The following PDE1C variants were observed in gnomAD, a reference collection of about 807,000 sequenced individuals.
PDE1C encodes the protein phosphodiesterase 1C, also known as dual specificity calcium/calmodulin-dependent 3',5'-cyclic nucleotide phosphodiesterase 1C.
In PDE1C, 62 loss-of-function variants were observed where a neutral mutation model predicts 93.1. The ratio of observed to expected loss-of-function variants is 0.67; its 90% CI spans 0.54 to 0.82. PDE1C has a LOEUF of 0.82. Among genes scored for constraint, PDE1C ranks in the 40% least tolerant of loss-of-function variants. The pLI is 0.00. For synonymous variants in PDE1C, 325 were observed against 310.1 expected (o/e 1.05, Z -0.50); for missense variants, 742 against 884.6 (o/e 0.84, Z 2.04).
chr7:32,360,164 C>T (rs888057877), intron 1 of PDE1C, among the ~76,000 whole-genome samples: 47 of 152,250 alleles, frequency 3.1e-4, no homozygotes, highest in African/African-American at 1.1e-3. Context: ...CTCCTGATCA[C>T]GGGACATGGG....
chr7:31,955,324 A>C (rs1807976989), intron 2 of PDE1C, among the ~76,000 whole-genome samples: 2 of 152,200 alleles, frequency 1.3e-5, no homozygotes, highest in African/African-American at 4.8e-5. Context: ...CCACTGAAGC[A>C]GGATGCCCAT....
chr7:31,966,373 T>C (rs1036937017), intron 2 of PDE1C, among the ~76,000 whole-genome samples: 1 of 152,166 alleles, frequency 6.6e-6, no homozygotes, highest in Non-Finnish European at 1.5e-5. Context: ...GGCCATTACA[T>C]AATGGTAAAG....
At chr7:31,698,645 A>T in the PDE1C span, among the ~76,000 whole-genome samples, 1 of 152,242 alleles carries the variant, frequency 6.6e-6, no homozygotes, top group Non-Finnish European at 1.5e-5. Flanking sequence ...TACTTGTCAC[A>T]TCCTGGGCTC....
intron 1 of PDE1C, among the ~76,000 whole-genome samples, chr7:32,310,734 C>T (rs1164791358): frequency 1.3e-5 from 2 of 151,936 alleles, no homozygotes; most frequent in Non-Finnish European, 2.9e-5. Flanking sequence ...ACCAGAATCT[C>T]TGGGACGCAT....
At chr7:32,405,277 A>G (rs215739) in intron 1 of PDE1C, among the ~76,000 whole-genome samples, 127,083 of 149,228 alleles carry the variant, frequency 0.85, 56,340 homozygotes, top group East Asian at 0.99. Context: ...TTGAGATGGA[A>G]TTTCACTCTT....
chr7:32,167,547 A>G (rs1464105986), intron 3 of PDE1C, among the ~76,000 whole-genome samples: 3 of 152,130 alleles, frequency 2.0e-5, no homozygotes, highest in Non-Finnish European at 4.4e-5. Flanking sequence ...TTTCCCTAGT[A>G]GGGGACAAAA....
rs1794141633 is a variant in PDE1C at position 31,751,581 on chromosome 7, T to G, written c.*1803A>C. 6.6e-6 allele frequency: 1 copy of G among 152,224 alleles called. No homozygotes were observed. The highest frequency in any genetic ancestry group is 2.4e-5 in the African/African-American group (1 of 41,456). 9.4% of individuals were successfully genotyped at this position (152,224 alleles called of 1,614,324 possible). A position where few individuals can be genotyped will look rare whatever the true frequency, so the allele number is the denominator to read the frequency against. ...GTATAAACAGATAGGAATTACCTGT[T>G]GAGTTAACCTAATCCAGGTGGAACA... On this transcript the variant is annotated 3_prime_UTR_variant, in exon 18 of 18. Transcript: ENST00000396191.
At chr7:32,021,871 G>GA (rs573679466) in intron 2 of PDE1C, among the ~76,000 whole-genome samples, 1 of 151,486 alleles carries the variant, frequency 6.6e-6, no homozygotes, top group Non-Finnish European at 1.5e-5. Context: ...CCTCTCTCAA[G>GA]AAAAAAAATA....
chr7:31,986,463 G>A (rs566454119), intron 2 of PDE1C, among the ~76,000 whole-genome samples: 72 of 152,226 alleles, frequency 4.7e-4, no homozygotes, highest in Middle Eastern at 3.4e-3. Flanking sequence ...AATTTTGGTG[G>A]GGACATTTTT....
intron 2 of PDE1C, among the ~76,000 whole-genome samples, chr7:31,888,352 A>C (rs189027122): frequency 6.6e-6 from 1 of 152,016 alleles, no homozygotes; most frequent in African/African-American, 2.4e-5. Flanking sequence ...CAAAGACAGT[A>C]GGCAATAGCA....
the PDE1C span, among the ~76,000 whole-genome samples, chr7:31,635,346 T>C: frequency 6.6e-6 from 1 of 152,204 alleles, no homozygotes; most frequent in East Asian, 1.9e-4. Flanking sequence ...CACATTTTGC[T>C]TGGTGAATCT....
intron 1 of PDE1C, among the ~76,000 whole-genome samples, chr7:32,061,974 C>G (rs1006659724): frequency 1.3e-5 from 2 of 152,150 alleles, no homozygotes; most frequent in Non-Finnish European, 2.9e-5. Flanking sequence ...TTCCTGCTTA[C>G]TTTGCTGGGC....
chr7:31,775,654 G>A lies in PDE1C; in HGVS notation c.1960+10C>T, dbSNP rs1436339327. ...GTCACTAAGATAATGGTGCAATGCT[G>A]TTTACCCACCTGGCAACGTAAGGCG... On this transcript the variant is annotated intron_variant, in intron 17 of 17. Transcript: ENST00000396191. The A allele has an allele frequency of 6.2e-7, 1 of 1,611,184 alleles. No individual in the cohort carries two copies. The highest frequency in any genetic ancestry group is 8.5e-7 in the Non-Finnish European group (1 of 1,178,420).
chr7:31,668,990 G>A, the PDE1C span, among the ~76,000 whole-genome samples: 4 of 149,066 alleles, frequency 2.7e-5, no homozygotes, highest in African/African-American at 2.5e-5. Context: ...GAAGTTAGTT[G>A]AGGAAGGAGA....
At chr7:31,745,771 C>T in the PDE1C span, among the ~76,000 whole-genome samples, 870 of 152,338 alleles carry the variant, frequency 5.7e-3, 4 homozygotes, top group African/African-American at 0.02. Context: ...GATGTCACTT[C>T]ATGAGAAACT....
intron 2 of PDE1C, among the ~76,000 whole-genome samples, chr7:32,005,578 A>AAAAAAAAAAAAAAAAAAAAAAAAAAC (rs1204630246): frequency 1.9e-5 from 2 of 103,716 alleles, no homozygotes; most frequent in African/African-American, 4.2e-5. Context: ...AAAAAAAAAA[A>AAAAAAAAAAAAAAAAAAAAAAAAAAC]AAAGAATTGT....
Position 32,051,631 on chromosome 7 carries a change from G to C in PDE1C, c.102-51C>G, listed in dbSNP as rs750514958. On this transcript the variant is annotated intron_variant, in intron 1 of 17. Coordinates refer to ENST00000396191, the MANE Select transcript of PDE1C (RefSeq NM_001191057.4). ...TCAGAAAAGGGTTGTGGCAGGCAGT[G>C]GGTAAGAAAGGGATTACTTCAGTGG... 6 of 1,497,050 alleles carry C rather than the reference G, an allele frequency of 4.0e-6. No homozygotes were observed. The South Asian group carries it at 6.8e-5, about 17-fold the overall frequency. 92.7% of individuals were successfully genotyped at this position (1,497,050 alleles called of 1,614,324 possible).
the PDE1C span, among the ~76,000 whole-genome samples, chr7:31,697,785 G>A: frequency 6.6e-6 from 1 of 152,176 alleles, no homozygotes; most frequent in Admixed American, 6.5e-5. Context: ...CCTACTAAAT[G>A]TTAGGCACTC....
At chr7:32,207,971 G>C (rs115712625) in intron 2 of PDE1C, among the ~76,000 whole-genome samples, 2,883 of 152,264 alleles carry the variant, frequency 0.019, 97 homozygotes, top group African/African-American at 0.066. Flanking sequence ...AACTGCTCAG[G>C]AGATGAAGAA....
Sources: gnomAD v4.1 joint callset for allele counts (sites outside exome capture counted in the v4.1 genomes callset) on GRCh38, gnomAD v4.1.1 for gene constraint, MANE v1.5 for transcripts, NCBI Gene and HGNC (gene_info 2026-07-23, HGNC 2026-07-21) for gene names.